CDH13: variants seen among roughly 807,000 people sequenced by gnomAD.
The protein encoded by CDH13 is cadherin-13.
In CDH13, 24 loss-of-function variants were observed where a neutral mutation model predicts 63.8. That is an observed-to-expected ratio of 0.38 (90% confidence interval 0.27 to 0.53). CDH13 has a LOEUF of 0.53. CDH13 is among the 20% of genes least tolerant of loss of function. The probability of loss-of-function intolerance (pLI) is 0.85; values close to 1 mark genes in which losing one functional copy is unlikely to be tolerated. For missense variants in CDH13, 1,049 were observed against 903.1 expected, an observed-to-expected ratio of 1.16 and a Z score of -2.07; for synonymous variants, 503 against 355.3, an observed-to-expected ratio of 1.42 and a Z score of -4.67.
chr16:83,122,864 G>A (rs779549406), intron 3 of CDH13, among the ~76,000 whole-genome samples: 1 of 151,984 alleles, frequency 6.6e-6, no homozygotes, highest in Non-Finnish European at 1.5e-5. Context: ...GCCTTTTAGT[G>A]AACCCATCAC....
intron 2 of CDH13, among the ~76,000 whole-genome samples, chr16:82,970,940 T>G (rs1424476945): frequency 6.6e-6 from 1 of 152,222 alleles, no homozygotes; most frequent in Non-Finnish European, 1.5e-5. Flanking sequence ...TTAAAATATT[T>G]GTTGAATGTA....
At chr16:83,565,893 T>C (rs1904276745) in intron 7 of CDH13, among the ~76,000 whole-genome samples, 1 of 152,242 alleles carries the variant, frequency 6.6e-6, no homozygotes, top group Non-Finnish European at 1.5e-5. Context: ...TTATGACTTT[T>C]CTTTTGTGAT....
chr16:82,967,019 C>G (rs938956539), intron 2 of CDH13, among the ~76,000 whole-genome samples: 6 of 152,138 alleles, frequency 3.9e-5, no homozygotes, highest in Admixed American at 3.3e-4. Context: ...GATCTCATGT[C>G]TCTTTAGGTT....
At chr16:83,407,297 A>C (rs1051684157) in intron 6 of CDH13, among the ~76,000 whole-genome samples, 27 of 152,250 alleles carry the variant, frequency 1.8e-4, no homozygotes, top group African/African-American at 5.8e-4. Context: ...GTTTATTTGA[A>C]ATACACACAG....
intron 6 of CDH13, among the ~76,000 whole-genome samples, chr16:83,387,197 A>C (rs1159862794): frequency 4.6e-5 from 7 of 152,170 alleles, no homozygotes; most frequent in Admixed American, 3.9e-4. Flanking sequence ...AGGAGGAGGC[A>C]AGGTACCCAT....
At chr16:82,982,147 A>G (rs2151387363) in intron 2 of CDH13, among the ~76,000 whole-genome samples, 1 of 152,346 alleles carries the variant, frequency 6.6e-6, no homozygotes, top group South Asian at 2.1e-4. Context: ...TTACCCAACT[A>G]TAAAATGGAG....
intron 6 of CDH13, among the ~76,000 whole-genome samples, chr16:83,473,202 T>C (rs1255278427): frequency 6.6e-6 from 1 of 152,220 alleles, no homozygotes; most frequent in Non-Finnish European, 1.5e-5. Context: ...AATTCAGTGT[T>C]ATTTTATACA....
intron 6 of CDH13, among the ~76,000 whole-genome samples, chr16:83,345,627 T>C (rs554455331): frequency 2.0e-5 from 3 of 152,262 alleles, no homozygotes; most frequent in African/African-American, 7.2e-5. Context: ...TCAGGGACGG[T>C]TTTAGAATTT....
intron 7 of CDH13, among the ~76,000 whole-genome samples, chr16:83,500,384 C>CCTTCT (rs1383357656): frequency 4.7e-5 from 1 of 21,158 alleles, no homozygotes; most frequent in African/African-American, 1.7e-4. Context: ...CTTTCTTCTT[C>CCTTCT]TTCTTCTTCC....
At chr16:83,538,655 C>T (rs1567747926) in intron 7 of CDH13, among the ~76,000 whole-genome samples, 1 of 152,130 alleles carries the variant, frequency 6.6e-6, no homozygotes. Flanking sequence ...CGCTGACGAT[C>T]ATTTTTATCA....
chr16:83,745,048 AG>A (rs1229678614), intron 10 of CDH13, among the ~76,000 whole-genome samples: 6 of 152,194 alleles, frequency 3.9e-5, no homozygotes, highest in Non-Finnish European at 5.9e-5. Flanking sequence ...CATCTGTAAA[AG>A]GGGAGGAATA....
At chr16:83,593,073 G>T (rs1489212086) in intron 7 of CDH13, among the ~76,000 whole-genome samples, 1 of 152,210 alleles carries the variant, frequency 6.6e-6, no homozygotes, top group Non-Finnish European at 1.5e-5. Context: ...GCTTCAGATA[G>T]TGTTTTCACC....
At chr16:83,697,364 A>G (rs1474561897) in intron 10 of CDH13, among the ~76,000 whole-genome samples, 4 of 152,040 alleles carry the variant, frequency 2.6e-5, no homozygotes, top group Non-Finnish European at 5.9e-5. Context: ...TTTGTTCGCA[A>G]TTTTGCTGTT....
At chr16:83,667,468 T>G (rs907646938) in intron 8 of CDH13, among the ~76,000 whole-genome samples, 10 of 151,914 alleles carry the variant, frequency 6.6e-5, no homozygotes, top group Non-Finnish European at 1.3e-4. Context: ...TCTATCCATC[T>G]ATCTGTCCAC....
At chr16:83,644,146 C>A (rs376821711) in intron 8 of CDH13, among the ~76,000 whole-genome samples, 2 of 152,358 alleles carry the variant, frequency 1.3e-5, no homozygotes, top group East Asian at 1.9e-4. Flanking sequence ...TTTATCTCAG[C>A]TCTGCCTTCA....
chr16:82,729,960 A>G (rs766570719), intron 1 of CDH13, among the ~76,000 whole-genome samples: 8 of 152,348 alleles, frequency 5.3e-5, no homozygotes, highest in Non-Finnish European at 1.0e-4. Context: ...AAACTCTGCT[A>G]GCTTTCAACC....
At chr16:83,788,790 A>G (rs577720306) in intron 13 of CDH13, among the ~76,000 whole-genome samples, 1 of 152,336 alleles carries the variant, frequency 6.6e-6, no homozygotes, top group South Asian at 2.1e-4. Context: ...TGATGATTGT[A>G]TCTCACTGTA....
chr16:83,039,162 A>G (rs1341100070), intron 3 of CDH13, among the ~76,000 whole-genome samples: 2 of 152,234 alleles, frequency 1.3e-5, no homozygotes, highest in Non-Finnish European at 2.9e-5. Flanking sequence ...GCTTGGATCC[A>G]GCTTCACTGC....
chr16:83,673,096 T>G (rs1467391182), intron 9 of CDH13, among the ~76,000 whole-genome samples: 1 of 152,226 alleles, frequency 6.6e-6, no homozygotes, highest in East Asian at 1.9e-4. Flanking sequence ...CATAGTACAT[T>G]CATATATAGG....
Sources: gnomAD v4.1 joint callset for allele counts (sites outside exome capture counted in the v4.1 genomes callset) on GRCh38, gnomAD v4.1.1 for gene constraint, MANE v1.5 for transcripts, NCBI Gene and HGNC (gene_info 2026-07-23, HGNC 2026-07-21) for gene names.